Variants in AVEN observed in about 807,000 individuals in gnomAD.
The protein encoded by AVEN is cell death regulator Aven.
A neutral mutation model predicts 38.1 loss-of-function variants in AVEN; 41 were observed. That is an observed-to-expected ratio of 1.08 (90% CI 0.84 to 1.40). The LOEUF (loss-of-function observed/expected upper bound fraction) is 1.40. AVEN is among the 40% of genes most tolerant of loss of function. The pLI is 0.00. For missense variants in AVEN, 605 were observed against 438.8 expected (o/e 1.38, Z -3.38); for synonymous variants, 206 against 171.8 (o/e 1.20, Z -1.56).
At chr15:33,980,447 C>T (rs1234204372) in intron 2 of AVEN, among the ~76,000 whole-genome samples, 10 of 152,186 alleles carry the variant, frequency 6.6e-5, no homozygotes, top group Non-Finnish European at 1.2e-4. Context: ...ACTCTCCAAA[C>T]GTGCTGCCTC....
At chr15:34,003,561 T>C (rs1264145773) in intron 1 of AVEN, among the ~76,000 whole-genome samples, 1 of 152,220 alleles carries the variant, frequency 6.6e-6, no homozygotes, top group Non-Finnish European at 1.5e-5. Flanking sequence ...GGAAATCAAC[T>C]CTCCCTTTCA....
intron 1 of AVEN, among the ~76,000 whole-genome samples, chr15:34,004,128 A>G (rs367773046): frequency 8.6e-4 from 131 of 152,342 alleles, no homozygotes; most frequent in African/African-American, 3.0e-3. Flanking sequence ...ACACACATAC[A>G]CAATGCTCCT....
At chr15:34,062,276 C>T (rs1900358471) in intron 5 of AVEN, among the ~76,000 whole-genome samples, 1 of 152,154 alleles carries the variant, frequency 6.6e-6, no homozygotes, top group South Asian at 2.1e-4. Flanking sequence ...AAACAATGGG[C>T]CGGGCGCGGT....
chr15:33,889,411 CTGTT>C (rs1302665126), intron 2 of AVEN, among the ~76,000 whole-genome samples: 1 of 152,162 alleles, frequency 6.6e-6, no homozygotes, highest in Non-Finnish European at 1.5e-5. Context: ...TGAGTCTGTT[CTGTT>C]TGTTTTTGTG....
chr15:33,875,911 A>G lies in AVEN; in HGVS notation c.516+14T>C. 6.2e-7 allele frequency: 1 copy of G among 1,610,720 alleles called. No individual in the cohort carries two copies. The highest frequency in any genetic ancestry group is 8.5e-7 in the Non-Finnish European group (1 of 1,177,172). ...AGAAGAGCCAGTCCACACTTAACAC[A>G]ACTCTTATCTTACCTGTTTTGGACA... On this transcript the variant is annotated intron_variant, in intron 3 of 5. Coordinates refer to ENST00000306730, the MANE Select transcript of AVEN (RefSeq NM_020371.3).
At chr15:33,854,949 T>C (rs766576940), downstream of AVEN, 7 of 1,555,206 alleles carry the variant, frequency 4.5e-6, no homozygotes, top group East Asian at 2.3e-5. Flanking sequence ...AATGGACCTG[T>C]ATATGCACAG....
downstream of AVEN, chr15:33,857,694 C>G (rs2079839226): frequency 5.3e-5 from 82 of 1,541,506 alleles, no homozygotes; most frequent in South Asian, 7.8e-4. Flanking sequence ...CTCACTCTTC[C>G]TCCTCGTTTT....
intron 1 of AVEN, among the ~76,000 whole-genome samples, chr15:34,028,071 A>G (rs1437563760): frequency 6.6e-6 from 1 of 152,200 alleles, no homozygotes; most frequent in East Asian, 1.9e-4. Context: ...CAGAGCACTG[A>G]AAGCATAAGC....
chr15:33,860,208 G>A (rs1455120324), intron 11 of AVEN, among the ~76,000 whole-genome samples: 1 of 152,212 alleles, frequency 6.6e-6, no homozygotes, highest in African/African-American at 2.4e-5. Context: ...TGCAGGTGTT[G>A]AGGGCTAAGA....
At chr15:33,934,749 T>C (rs1425345514) in intron 2 of AVEN, among the ~76,000 whole-genome samples, 2 of 152,212 alleles carry the variant, frequency 1.3e-5, no homozygotes, top group Non-Finnish European at 2.9e-5. Context: ...AGAATGGAAG[T>C]AACTTAGTGA....
chr15:33,858,086 TC>T, downstream of AVEN: 1 of 876,210 alleles, frequency 1.1e-6, no homozygotes, highest in Non-Finnish European at 1.7e-6. Flanking sequence ...CAGGAGAGTG[TC>T]CTGGGAAGAC....
At chr15:33,981,858 G>A (rs532597288) in intron 2 of AVEN, among the ~76,000 whole-genome samples, 2 of 151,830 alleles carry the variant, frequency 1.3e-5, no homozygotes, top group South Asian at 2.1e-4. Flanking sequence ...TTTTTGAAAC[G>A]GAGTCTCACT....
intron 2 of AVEN, among the ~76,000 whole-genome samples, chr15:33,876,586 A>G (rs1212779259): frequency 6.6e-6 from 1 of 152,010 alleles, no homozygotes; most frequent in Non-Finnish European, 1.5e-5. Flanking sequence ...AAAAAAAATT[A>G]TTACATAAAG....
At chr15:33,920,710 T>C (rs939040932) in intron 2 of AVEN, among the ~76,000 whole-genome samples, 3 of 152,236 alleles carry the variant, frequency 2.0e-5, no homozygotes, top group Non-Finnish European at 4.4e-5. Context: ...TCTGGATCTC[T>C]GGCACAGTGG....
Position 34,063,303 on chromosome 15 carries a change from G to C in AVEN, n.1256C>G. On this transcript the variant is annotated non_coding_transcript_exon_variant, in exon 5 of 12. Transcript: ENST00000675287. This position sits in a 1 kb window ranked among gnomAD's most constrained non-coding sequence, Gnocchi z 4.1. Reference sequence around the variant, plus strand: ...TCTCTCTGAGCCCACCATCACTTTTGGCACTGCCATTGCTGCCTTCTACAT... The same window carrying C: ...TCTCTCTGAGCCCACCATCACTTTTCGCACTGCCATTGCTGCCTTCTACAT... 1 of 1,614,060 alleles carries C rather than the reference G, an allele frequency of 6.2e-7. No individual in the cohort carries two copies.
At position 34,073,986 on chromosome 15, in the gene AVEN, C is replaced by CTTTTT. The variant is rs1381411256; in HGVS notation, n.720+449_720+450insAAAAA. 1.3e-3 allele frequency among the ~76,000 whole-genome samples: 147 copies of CTTTTT among 112,188 alleles called. 35 individuals carry two copies. The highest frequency in any genetic ancestry group is 5.8e-3 in the African/African-American group (140 of 24,270). The allele number at this position is 112,188 out of a possible 152,430, so 73.6% of individuals were successfully genotyped here. A position where few individuals can be genotyped will look rare whatever the true frequency, so the allele number is the denominator to read the frequency against. ...TGGAGGAACTTTCTTTTTTCTTCTT[C>CTTTTT]TTCTTTTTTTTTTTTTTTTTTTTTT... On this transcript the variant is annotated intron_variant and non_coding_transcript_variant, in intron 1 of 11. Coordinates refer to the AVEN transcript ENST00000675287.
intron 5 of AVEN, among the ~76,000 whole-genome samples, chr15:33,867,251 CCAGGTTTCTACTGCAGTCA>C (rs2153033085): frequency 6.6e-6 from 1 of 152,268 alleles, no homozygotes; most frequent in African/African-American, 2.4e-5. Flanking sequence ...ATTTGCAGCC[CCAGGTTTCTACTGCAGTCA>C]GGCAGGTAGC....
intron 2 of AVEN, among the ~76,000 whole-genome samples, chr15:33,988,774 G>A (rs191066963): frequency 6.4e-4 from 98 of 152,310 alleles, no homozygotes; most frequent in Admixed American, 2.6e-3. Flanking sequence ...CTTGATAAAT[G>A]ACCTTGCTCT....
chr15:33,892,703 GC>G (rs888828603), intron 2 of AVEN, among the ~76,000 whole-genome samples: 99 of 149,142 alleles, frequency 6.6e-4, no homozygotes, highest in African/African-American at 2.3e-3. Flanking sequence ...GGCAATGTGG[GC>G]TCTTTTTTGG....
Sources: gnomAD v4.1 joint callset for allele counts (sites outside exome capture counted in the v4.1 genomes callset) on GRCh38, gnomAD v4.1.1 for gene constraint, Gnocchi (gnomAD v3.1) non-coding constraint, MANE v1.5 for transcripts, NCBI Gene and HGNC (gene_info 2026-07-23, HGNC 2026-07-21) for gene names.